TTC23L: variants seen among roughly 807,000 people sequenced by gnomAD.
The protein encoded by TTC23L is tetratricopeptide repeat domain 23 like, also known as tetratricopeptide repeat protein 23-like.
In TTC23L, 42 loss-of-function variants were observed where a neutral mutation model predicts 48.1. That is an observed-to-expected ratio of 0.87 (90% CI 0.68 to 1.13). TTC23L has a LOEUF of 1.13. Among genes scored for constraint, TTC23L ranks in the 50% most tolerant of loss-of-function variants. The pLI is 0.00. For missense variants in TTC23L, 391 were observed against 421.0 expected (o/e 0.93, Z 0.62); for synonymous variants, 159 against 157.2 (o/e 1.01, Z -0.09).
chr5:34,922,762 T>G, the TTC23L span: 1 of 1,613,962 alleles, frequency 6.2e-7, no homozygotes, highest in Admixed American at 1.7e-5. Flanking sequence ...TTTTGTCTTT[T>G]GACCCTGTAA....
chr5:34,874,104 G>C (rs1346772765), intron 8 of TTC23L, among the ~76,000 whole-genome samples: 1 of 152,134 alleles, frequency 6.6e-6, no homozygotes, highest in Non-Finnish European at 1.5e-5. Context: ...AGAGAACTAA[G>C]GTCACATGGC....
At chr5:34,889,326 A>G (rs2111774253) in intron 9 of TTC23L, among the ~76,000 whole-genome samples, 1 of 151,542 alleles carries the variant, frequency 6.6e-6, no homozygotes, top group African/African-American at 2.4e-5. Flanking sequence ...GGACTCAAAT[A>G]AGTGTGACTC....
chr5:34,914,603 ATTAAG>A, the TTC23L span: 17 of 1,178,256 alleles, frequency 1.4e-5, no homozygotes, highest in East Asian at 4.7e-5. Context: ...TATTATGACT[ATTAAG>A]TTATTTTGTC....
At chr5:34,925,483 GAAAAC>G in the TTC23L span, 1 of 1,609,514 alleles carries the variant, frequency 6.2e-7, no homozygotes, top group Non-Finnish European at 8.5e-7. Flanking sequence ...TGGACAGTGG[GAAAAC>G]AAAATAAGTC....
chr5:34,845,021 C>T (rs1758990649), intron 2 of TTC23L, among the ~76,000 whole-genome samples: 1 of 152,136 alleles, frequency 6.6e-6, no homozygotes, highest in African/African-American at 2.4e-5. Context: ...AATTTTAGAA[C>T]ACAGATATTC....
the TTC23L span, chr5:34,914,775 C>T: frequency 4.3e-5 from 70 of 1,614,216 alleles, 1 homozygote; most frequent in East Asian, 1.5e-3. Context: ...AAACACGTGG[C>T]ATGTTCTCGG....
chr5:34,919,997 CATTT>C, the TTC23L span: 1 of 523,722 alleles, frequency 1.9e-6, no homozygotes, highest in Middle Eastern at 3.0e-4. Flanking sequence ...TATTCAGACA[CATTT>C]TATTAACTCT....
At chr5:34,914,291 G>A in the TTC23L span, among the ~76,000 whole-genome samples, 1 of 152,146 alleles carries the variant, frequency 6.6e-6, no homozygotes, top group African/African-American at 2.4e-5. Context: ...ACCAGCTGTG[G>A]GACTGTTGGC....
rs79949283 is a variant in TTC23L, at chr5:34,839,662, A to G, written c.-8+403A>G. 2.8e-4 allele frequency: 277 copies of G among 985,350 alleles called. 7 individuals carry two copies. The East Asian group carries it at 0.024, about 85-fold the overall frequency. The allele number at this position is 985,350 out of a possible 1,614,324, so 61.0% of individuals were successfully genotyped here. On this transcript the variant is annotated intron_variant, in intron 1 of 10. Transcript: ENST00000505624. ...GGATGCTCTGGAGCCTGGGTCAGAA[A>G]GCCACTCAGGGCTCGGTGGGAATTA...
intron 4 of TTC23L, among the ~76,000 whole-genome samples, chr5:34,858,549 C>A (rs1760314195): frequency 6.6e-6 from 1 of 151,916 alleles, no homozygotes; most frequent in Admixed American, 6.6e-5. Context: ...AGAGACAGCT[C>A]CCTTATCACT....
chr5:34,848,153 G>A (rs1759368348), intron 3 of TTC23L, among the ~76,000 whole-genome samples: 1 of 152,176 alleles, frequency 6.6e-6, no homozygotes, highest in Non-Finnish European at 1.5e-5. Context: ...AACCAGGGCT[G>A]AAACTTTAGG....
At chr5:34,883,829 AAAG>A (rs1762389448) in intron 9 of TTC23L, among the ~76,000 whole-genome samples, 1 of 152,234 alleles carries the variant, frequency 6.6e-6, no homozygotes, top group Non-Finnish European at 1.5e-5. Flanking sequence ...CCAAACATTT[AAAG>A]AAGAATTAAT....
chr5:34,859,696 G>C (rs1430319187), intron 4 of TTC23L, among the ~76,000 whole-genome samples: 3 of 152,074 alleles, frequency 2.0e-5, no homozygotes, highest in Admixed American at 2.0e-4. Context: ...CCAGAACTGT[G>C]AGAAATTTCT....
At chr5:34,842,816 G>T (rs1283069032) in intron 2 of TTC23L, among the ~76,000 whole-genome samples, 1 of 152,158 alleles carries the variant, frequency 6.6e-6, no homozygotes, top group East Asian at 1.9e-4. Flanking sequence ...ATGCTGAGTT[G>T]GTCACATCCC....
At chr5:34,876,158 G>A in intron 8 of TTC23L, among the ~76,000 whole-genome samples, 1 of 152,062 alleles carries the variant, frequency 6.6e-6, no homozygotes, top group East Asian at 1.9e-4. Context: ...GATATTTATA[G>A]CATATTAGAA....
chr5:34,885,266 T>C (rs1304732315), intron 9 of TTC23L, among the ~76,000 whole-genome samples: 1 of 152,128 alleles, frequency 6.6e-6, no homozygotes, highest in Non-Finnish European at 1.5e-5. Flanking sequence ...CTAAATGCAA[T>C]ACATGATGAT....
At chr5:34,916,182 G>GT in the TTC23L span, 186 of 284,322 alleles carry the variant, frequency 6.5e-4, no homozygotes, top group African/African-American at 3.9e-3. Flanking sequence ...TAGTTGTTCA[G>GT]TTGTTTTTTT....
At chr5:34,891,382 A>G (rs1762857072) in intron 9 of TTC23L, among the ~76,000 whole-genome samples, 1 of 152,194 alleles carries the variant, frequency 6.6e-6, no homozygotes, top group Non-Finnish European at 1.5e-5. Flanking sequence ...TAAACCACAG[A>G]GAGTTGTTGT....
intron 9 of TTC23L, among the ~76,000 whole-genome samples, chr5:34,890,815 C>T (rs760176042): frequency 3.0e-4 from 45 of 152,098 alleles, no homozygotes; most frequent in African/African-American, 1.0e-3. Flanking sequence ...CTGTGTTGCC[C>T]GGGCTGGTCC....
Sources: allele counts gnomAD v4.1 joint callset (sites outside exome capture counted in the v4.1 genomes callset), GRCh38; gene constraint gnomAD v4.1.1; transcripts MANE v1.5; gene names NCBI Gene and HGNC (gene_info 2026-07-23, HGNC 2026-07-21).